SFMBT2: variants seen among roughly 807,000 people sequenced by gnomAD.
SFMBT2 encodes the protein scm-like with four MBT domains protein 2.
In SFMBT2, 38 loss-of-function variants were observed where a neutral mutation model predicts 110.1. That is an observed-to-expected ratio of 0.35 (90% CI 0.27 to 0.45). The LOEUF (loss-of-function observed/expected upper bound fraction) is 0.45, where lower values mean the gene tolerates loss of function less well. Ranked by LOEUF, SFMBT2 falls within the 20% of genes least tolerant of loss-of-function variation. The pLI, the probability that SFMBT2 is intolerant of heterozygous loss-of-function variation, is 1.00. For missense variants in SFMBT2, 1,011 were observed against 1,094.9 expected (o/e 0.92, Z 1.08); for synonymous variants, 425 against 425.4 (o/e 1.00, Z 0.01).
chr10:7,229,743 T>TG (rs1840060628), intron 9 of SFMBT2, among the ~76,000 whole-genome samples: 1 of 150,366 alleles, frequency 6.7e-6, no homozygotes, highest in Non-Finnish European at 1.5e-5. Context: ...TTTTTTGTGA[T>TG]GGAGTCTCAC....
chr10:7,376,739 A>C, intron 2 of SFMBT2, among the ~76,000 whole-genome samples: 1 of 9,228 alleles, frequency 1.1e-4, no homozygotes, highest in Non-Finnish European at 3.0e-4. Flanking sequence ...AAAAAAAAAA[A>C]AAAAAAAAAA....
intron 4 of SFMBT2, among the ~76,000 whole-genome samples, chr10:7,343,572 A>G (rs1306865665): frequency 6.6e-6 from 1 of 151,934 alleles, no homozygotes; most frequent in East Asian, 1.9e-4. Context: ...AATTTCTTAG[A>G]ATAGCCACTC....
rs1183612293 is a variant in SFMBT2, at chr10:7,406,355, A to C, written c.-52+4506T>G. On this transcript the variant is annotated intron_variant, in intron 1 of 20. Coordinates refer to ENST00000397167, the MANE Select transcript of SFMBT2 (RefSeq NM_001387889.1). ...TTCCTTTACGGACTTCTTAGATCCC[A>C]AAAGTATCCTGTATCAATTACATAG... Among the ~76,000 whole-genome samples the C allele has an allele frequency of 2.6e-5, 4 of 152,202 alleles. No homozygotes were observed. In the East Asian group the frequency reaches 7.7e-4, roughly 29 times the overall value.
chr10:7,218,470 T>C (rs1839616200), intron 11 of SFMBT2, among the ~76,000 whole-genome samples: 1 of 152,216 alleles, frequency 6.6e-6, no homozygotes, highest in Non-Finnish European at 1.5e-5. Flanking sequence ...TTTTGAGCAA[T>C]AATTACAGGT....
chr10:7,247,308 G>A (rs2131729555), intron 8 of SFMBT2, among the ~76,000 whole-genome samples: 1 of 152,136 alleles, frequency 6.6e-6, no homozygotes, highest in South Asian at 2.1e-4. Context: ...GTAGAGACGG[G>A]GTTTCACCCT....
chr10:7,339,819 G>C (rs886710082), intron 4 of SFMBT2, among the ~76,000 whole-genome samples: 1 of 152,192 alleles, frequency 6.6e-6, no homozygotes, highest in Non-Finnish European at 1.5e-5. Flanking sequence ...ATAAGCCTTT[G>C]AGAATCCTCT....
intron 4 of SFMBT2, among the ~76,000 whole-genome samples, chr10:7,302,311 T>C (rs769081272): frequency 7.9e-5 from 12 of 152,350 alleles, no homozygotes; most frequent in African/African-American, 2.6e-4. Flanking sequence ...TCAGTTCTTA[T>C]AGTCTGAATT....
chr10:7,362,201 C>G (rs1844743100), intron 4 of SFMBT2, among the ~76,000 whole-genome samples: 1 of 152,160 alleles, frequency 6.6e-6, no homozygotes, highest in Non-Finnish European at 1.5e-5. Context: ...CCCTGATTAG[C>G]TCACAAGCAG....
Position 7,209,895 on chromosome 10 carries a change from T to C in SFMBT2, c.1331-3967A>G, listed in dbSNP as rs147978300. On this transcript the variant is annotated intron_variant, in intron 11 of 20. Transcript: ENST00000397167. ...CACCACCATTGTAACAATACAACCATAGACACCCAGAGAAGAAAGTAAGAC... is the reference window on the plus strand; with the variant it reads ...CACCACCATTGTAACAATACAACCACAGACACCCAGAGAAGAAAGTAAGAC... Among the ~76,000 whole-genome samples the C allele has an allele frequency of 4.9e-4, 74 of 152,172 alleles. 1 individual carries two copies. The East Asian group carries it at 7.3e-3, about 15-fold the overall frequency.
At chr10:7,253,891 A>G (rs1014676490) in intron 7 of SFMBT2, among the ~76,000 whole-genome samples, 1 of 152,020 alleles carries the variant, frequency 6.6e-6, no homozygotes, top group Non-Finnish European at 1.5e-5. Context: ...AGCTAAGTCA[A>G]CGTAACGGAA....
In SFMBT2 at chr10:7,209,547, G is replaced by C. The variant is rs941469465; in HGVS notation, c.1331-3619C>G. ...AGGAATATTCTGCAGCTATAAAAAA[G>C]AATCAGACACCTCTTAATATACTCA... On this transcript the variant is annotated intron_variant, in intron 11 of 20. Transcript: ENST00000397167. Among the ~76,000 whole-genome samples, 5 of 152,222 alleles carry C rather than the reference G, an allele frequency of 3.3e-5. No homozygotes were observed. The East Asian group carries it at 9.6e-4, about 29-fold the overall frequency.
chr10:7,167,090 T>A (rs1039864283), intron 20 of SFMBT2, among the ~76,000 whole-genome samples: 3 of 152,212 alleles, frequency 2.0e-5, no homozygotes, highest in African/African-American at 7.2e-5. Context: ...GATAGAGCAC[T>A]CGGGTGAGGA....
chr10:7,200,319 G>T, intron 14 of SFMBT2, 95 bp downstream of exon 14: 1 of 947,258 alleles, frequency 1.1e-6, no homozygotes, highest in Non-Finnish European at 1.5e-6. Context: ...GCTCAACGTT[G>T]AGATGTATTC....
chr10:7,233,181 A>G (rs910997901), intron 9 of SFMBT2, among the ~76,000 whole-genome samples: 1 of 152,230 alleles, frequency 6.6e-6, no homozygotes, highest in Non-Finnish European at 1.5e-5. Context: ...AGAATGAAAA[A>G]CAACACTAAG....
intron 2 of SFMBT2, among the ~76,000 whole-genome samples, chr10:7,376,719 C>A: frequency 4.1e-5 from 1 of 24,426 alleles, no homozygotes; most frequent in African/African-American, 1.4e-4. Flanking sequence ...AAAAAAAAGG[C>A]CCTCCCACAA....
At chr10:7,207,398 G>C (rs1376534418) in intron 11 of SFMBT2, among the ~76,000 whole-genome samples, 1 of 68,868 alleles carries the variant, frequency 1.5e-5, no homozygotes, top group Non-Finnish European at 3.3e-5. Flanking sequence ...GAAAGAAAGA[G>C]AGAAAGGAAA....
intron 7 of SFMBT2, among the ~76,000 whole-genome samples, chr10:7,266,880 G>A (rs1347297308): frequency 6.6e-6 from 1 of 152,200 alleles, no homozygotes; most frequent in African/African-American, 2.4e-5. Flanking sequence ...GGTTCACCTG[G>A]GAGGCCTAGG....
chr10:7,206,520 T>G lies in SFMBT2; in HGVS notation c.1331-592A>C, dbSNP rs145847271. 7 of 985,336 alleles carry G rather than the reference T, an allele frequency of 7.1e-6. 1 individual carries two copies. Among genetic ancestry groups the G allele is most frequent in the Non-Finnish European group, 8.4e-6 (7 of 829,918 alleles). The allele number at this position is 985,336 out of a possible 1,614,324, so 61.0% of individuals were successfully genotyped here. ...ACCTGACAACTTATCAGTTTGGAGT[T>G]ACTTTGTTTTGAACTCAGTTTGTGG... On this transcript the variant is annotated intron_variant, in intron 11 of 20. Coordinates refer to ENST00000397167, the MANE Select transcript of SFMBT2 (RefSeq NM_001387889.1).
intron 4 of SFMBT2, among the ~76,000 whole-genome samples, chr10:7,320,266 C>T (rs1247795078): frequency 6.6e-6 from 1 of 152,200 alleles, no homozygotes; most frequent in Non-Finnish European, 1.5e-5. Context: ...TGACTCTTAA[C>T]AATTAATTAA....
Sources: allele counts gnomAD v4.1 joint callset (sites outside exome capture counted in the v4.1 genomes callset), GRCh38; gene constraint gnomAD v4.1.1; transcripts MANE v1.5; gene names NCBI Gene and HGNC (gene_info 2026-07-23, HGNC 2026-07-21).